The following ZNF207 variants were observed in gnomAD, a reference collection of about 807,000 sequenced individuals.
The protein encoded by ZNF207 is BUB3-interacting and GLEBS motif-containing protein ZNF207.
ZNF207 carries 24 observed loss-of-function variants against 60.2 expected under a neutral mutation model. That is an observed-to-expected ratio of 0.40 (90% CI 0.29 to 0.56). The LOEUF (loss-of-function observed/expected upper bound fraction) is 0.56, where lower values mean the gene tolerates loss of function less well. ZNF207 is among the 20% of genes least tolerant of loss of function. The probability of loss-of-function intolerance (pLI) is 0.49; values close to 1 mark genes in which losing one functional copy is unlikely to be tolerated. For missense variants in ZNF207, 452 were observed against 636.6 expected (o/e 0.71, Z 3.12); for synonymous variants, 236 against 194.7 (o/e 1.21, Z -1.77).
chr17:32,375,405 G>A lies in ZNF207; in HGVS notation c.*5646G>A, dbSNP rs1310713841. Reference sequence around the variant, plus strand: ...ATTCTAATGGTGATAATTGAAAAAAGTGTGCTGGAAATACAGGCTCTTATC... The same window carrying A: ...ATTCTAATGGTGATAATTGAAAAAAATGTGCTGGAAATACAGGCTCTTATC... On this transcript the variant is annotated 3_prime_UTR_variant, in exon 12 of 12. Coordinates refer to ENST00000394670, the MANE Select transcript of ZNF207 (RefSeq NM_001098507.2). 1 of 152,078 alleles carries A rather than the reference G, an allele frequency of 6.6e-6. No homozygotes were observed. Among genetic ancestry groups the A allele is most frequent in the Non-Finnish European group, 1.5e-5 (1 of 67,982 alleles). The allele number at this position is 152,078 out of a possible 1,614,324, so 9.4% of individuals were successfully genotyped here.
At position 32,357,311 on chromosome 17, in the gene ZNF207, AATTATTATTATTATT is replaced by A. The variant is rs1330669262; in HGVS notation, c.169-1164_169-1150del. ...CTATACTTAGAAAATTTGCTATTCT[AATTATTATTATTATT>A]ATTATTATTATTATTATTATTATTA... On this transcript the variant is annotated intron_variant, in intron 2 of 11. Coordinates refer to ENST00000394670, the MANE Select transcript of ZNF207 (RefSeq NM_001098507.2). Among the ~76,000 whole-genome samples, 41 of 118,320 alleles carry A rather than the reference AATTATTATTATTATT, an allele frequency of 3.5e-4. 3 individuals are homozygous for A. The highest frequency in any genetic ancestry group is 1.0e-3 in the African/African-American group (29 of 29,008). The allele number at this position is 118,320 out of a possible 152,430, so 77.6% of individuals were successfully genotyped here.
chr17:32,372,772 A>G lies in ZNF207; in HGVS notation c.*3013A>G, dbSNP rs1027876083. 6.6e-6 allele frequency: 1 copy of G among 152,338 alleles called. No individual in the cohort carries two copies. The highest frequency in any genetic ancestry group is 1.5e-5 in the Non-Finnish European group (1 of 68,040). The allele number at this position is 152,338 out of a possible 1,614,324, so 9.4% of individuals were successfully genotyped here. On this transcript the variant is annotated 3_prime_UTR_variant, in exon 12 of 12. Coordinates refer to ENST00000394670, the MANE Select transcript of ZNF207 (RefSeq NM_001098507.2). ...TATGAGTGGAGCAAATTATATTCAT[A>G]TAATTAACTCTGACTCAACCTTCCT...
At chr17:32,362,737 T>C in intron 6 of ZNF207, 177 bp from the exon 7 acceptor site, 1 of 472,588 alleles carries the variant, frequency 2.1e-6, no homozygotes, top group Non-Finnish European at 3.7e-6. Context: ...TTTAGACAAT[T>C]TATTTTGATA....
rs191933623 is a variant in ZNF207, at chr17:32,373,319, A to T, written c.*3560A>T. The T allele has an allele frequency of 3.6e-3, 1,721 of 473,766 alleles. 9 individuals are homozygous for T. Among genetic ancestry groups the T allele is most frequent in the Admixed American group, 0.011 (344 of 29,954 alleles). 29.3% of individuals were successfully genotyped at this position (473,766 alleles called of 1,614,324 possible). On this transcript the variant is annotated 3_prime_UTR_variant, in exon 12 of 12. Coordinates refer to ENST00000394670, the MANE Select transcript of ZNF207 (RefSeq NM_001098507.2). ...TGCTTGCTTGATCATTGGGATTTTTAAAAAAAAAAATTTTAATGCATGTCT... is the reference window on the plus strand; with the variant it reads ...TGCTTGCTTGATCATTGGGATTTTTTAAAAAAAAAATTTTAATGCATGTCT...
At chr17:32,364,526 ATTG>A (rs936947214) in intron 7 of ZNF207, among the ~76,000 whole-genome samples, 9 of 151,390 alleles carry the variant, frequency 5.9e-5, no homozygotes, top group Non-Finnish European at 1.0e-4. Flanking sequence ...CACCCGACAA[ATTG>A]TTGTATTTTT....
At position 32,351,548 on chromosome 17, in the gene ZNF207, G is replaced by A. The variant is rs537081540; in HGVS notation, c.42-238G>A. The A allele has an allele frequency of 1.7e-5, 26 of 1,529,570 alleles. No individual in the cohort carries two copies. The African/African-American group carries it at 3.3e-4, about 19-fold the overall frequency. 94.7% of individuals were successfully genotyped at this position (1,529,570 alleles called of 1,614,324 possible). ...ACACAGGAATTTGACAAAGTATATTGCTGATTATTGAGATGTGTTTTTTGG... is the reference window on the plus strand; with the variant it reads ...ACACAGGAATTTGACAAAGTATATTACTGATTATTGAGATGTGTTTTTTGG... On this transcript the variant is annotated intron_variant, in intron 1 of 11. Transcript: ENST00000394670.
rs757074319 is a variant in ZNF207, at chr17:32,369,428, G to C, written c.1298G>C (p.Gly433Ala). 3.7e-6 allele frequency: 6 copies of C among 1,614,154 alleles called. No homozygotes were observed. In the South Asian group the frequency reaches 6.6e-5, roughly 18 times the overall value. The change falls in exon 11 of 12, where the codon GGA (glycine) becomes GCA (alanine). Residue 433 changes from glycine (G) to alanine (A), a missense_variant. Around this residue, in one of 2 missense-constraint regions of ZNF207, gnomAD observed 390 missense variants for 461.4 expected, o/e 0.85. Transcript: ENST00000394670. ...CAGCCAGGCATCCCACAGCAACAAG[G>C]AATGAGACCCCCAATGCCACCTCAT... is the stretch of plus-strand genomic sequence containing the variant. ...PPQPGIPQQQ[G>A]MRPPMPPHGQ...
chr17:32,360,190 A>ACCC lies in ZNF207; in HGVS notation c.308-408_308-407insCCC, dbSNP rs1567818198. ...ACCTCACCTTTACCCCCCCCCCAAAAAAAAAAAAAAAAAGCCCAGTGTGGT... is the reference window on the plus strand; with the variant it reads ...ACCTCACCTTTACCCCCCCCCCAAAACCCAAAAAAAAAAAAAGCCCAGTGTGGT... On this transcript the variant is annotated intron_variant, in intron 3 of 11. Coordinates refer to ENST00000394670, the MANE Select transcript of ZNF207 (RefSeq NM_001098507.2). Among the ~76,000 whole-genome samples the ACCC allele has an allele frequency of 5.6e-3, 760 of 136,024 alleles. 13 individuals carry two copies. The highest frequency in any genetic ancestry group is 0.02 in the African/African-American group (738 of 36,588). 89.2% of individuals were successfully genotyped at this position (136,024 alleles called of 152,430 possible).
Position 32,358,792 on chromosome 17 carries a change from T to A in ZNF207, c.307+151T>A, listed in dbSNP as rs572562421. On this transcript the variant is annotated intron_variant, in intron 3 of 11. Transcript: ENST00000394670. ...TCTGCCTCCGGGGTTTAAGTGATTG[T>A]TTGTTTGTTTTTTTCTTTTTTGAGG... 2.0e-5 allele frequency: 12 copies of A among 598,164 alleles called. No individual in the cohort carries two copies. In the South Asian group the frequency reaches 4.9e-4, roughly 24 times the overall value. 37.1% of individuals were successfully genotyped at this position (598,164 alleles called of 1,614,324 possible). A position where few individuals can be genotyped will look rare whatever the true frequency, so the allele number is the denominator to read the frequency against.
Position 32,358,680 on chromosome 17 carries a change from T to A in ZNF207, c.307+39T>A, listed in dbSNP as rs768207823. On this transcript the variant is annotated intron_variant, in intron 3 of 11. Coordinates refer to ENST00000394670, the MANE Select transcript of ZNF207 (RefSeq NM_001098507.2). The stretch of plus-strand genomic sequence containing the variant: ...TAAGTTTTATTTTATTTATTTATTT[T>A]TTTTAATTTTTTTTTTTTTGAGACA... 74 of 1,346,488 alleles carry A rather than the reference T, an allele frequency of 5.5e-5. No homozygotes were observed. In the South Asian group the frequency reaches 8.6e-4, roughly 16 times the overall value. The allele number at this position is 1,346,488 out of a possible 1,614,324, so 83.4% of individuals were successfully genotyped here.
At chr17:32,362,150 G>GTA (rs1904923594) in intron 6 of ZNF207, among the ~76,000 whole-genome samples, 1 of 151,582 alleles carries the variant, frequency 6.6e-6, no homozygotes, top group Admixed American at 6.6e-5. Flanking sequence ...GTGTGTGTGT[G>GTA]TGTGTGTATA....
intron 8 of ZNF207, 89 bp from the exon 9 acceptor site, chr17:32,366,576 T>G (rs1905172403): frequency 9.9e-7 from 1 of 1,006,394 alleles, no homozygotes; most frequent in African/African-American, 1.7e-5. Flanking sequence ...CATTTACAAA[T>G]ATGCAATCTA....
In ZNF207 at chr17:32,354,335, G is replaced by GT. The variant is rs923128049; in HGVS notation, c.168+2433dup. ...TTAAATAGAGATGTATGCTCTGTCAGTTTTTTTTTTGTTTTATTTTGAAAC... is the reference window on the plus strand; with the variant it reads ...TTAAATAGAGATGTATGCTCTGTCAGTTTTTTTTTTTGTTTTATTTTGAAAC... On this transcript the variant is annotated intron_variant, in intron 2 of 11. Coordinates refer to ENST00000394670, the MANE Select transcript of ZNF207 (RefSeq NM_001098507.2). 5.5e-4 allele frequency among the ~76,000 whole-genome samples: 83 copies of GT among 151,196 alleles called. 1 individual carries two copies. The highest frequency in any genetic ancestry group is 3.4e-3 in the South Asian group (16 of 4,776).
At chr17:32,358,667 TA>T (rs772421333) in intron 3 of ZNF207, 26 bp downstream of exon 3, 1 of 1,392,614 alleles carries the variant, frequency 7.2e-7, no homozygotes, top group Non-Finnish European at 9.3e-7. Flanking sequence ...AGTTTTATTT[TA>T]TTTATTTATT....
chr17:32,360,183 C>A (rs200631199), intron 3 of ZNF207, among the ~76,000 whole-genome samples: 18 of 112,496 alleles, frequency 1.6e-4, no homozygotes, highest in Admixed American at 1.4e-3. Context: ...TTTACCCCCC[C>A]CCCAAAAAAA....
intron 7 of ZNF207, among the ~76,000 whole-genome samples, chr17:32,364,684 T>G (rs1905081773): frequency 6.6e-6 from 1 of 152,186 alleles, no homozygotes; most frequent in Admixed American, 6.6e-5. Context: ...GTTGGTGTGT[T>G]TGCAATCCAT....
intron 1 of ZNF207, among the ~76,000 whole-genome samples, chr17:32,350,575 A>ACTCCGGGAGGCGGCCTGGACCC (rs1350725303): frequency 1.3e-5 from 2 of 151,176 alleles, no homozygotes. Flanking sequence ...CGAATTTTGG[A>ACTCCGGGAGGCGGCCTGGACCC]CTCCGGGAGG....
In ZNF207 at chr17:32,376,272, A is replaced by G. The variant is rs900787983; in HGVS notation, c.*6513A>G. 2.0e-5 allele frequency: 3 copies of G among 152,090 alleles called. No homozygotes were observed. Among genetic ancestry groups the G allele is most frequent in the African/African-American group, 7.2e-5 (3 of 41,456 alleles). 9.4% of individuals were successfully genotyped at this position (152,090 alleles called of 1,614,324 possible). Reference sequence around the variant, plus strand: ...TTTCCAAGTGTTTAAGCCCTAAAACATCTATCTTTATTTTTTTACCTGGCA... The same window carrying G: ...TTTCCAAGTGTTTAAGCCCTAAAACGTCTATCTTTATTTTTTTACCTGGCA... On this transcript the variant is annotated 3_prime_UTR_variant, in exon 12 of 12. Transcript: ENST00000394670.
At position 32,381,665 on chromosome 17, in the gene ZNF207, T is replaced by C. The variant is rs1905893797; in HGVS notation, c.*11906T>C. Reference sequence around the variant, plus strand: ...CAGATAGTCTGGGGCTATTTACTTATTTTAAGTAAGCCAAGTCTACCATTT... The same window carrying C: ...CAGATAGTCTGGGGCTATTTACTTACTTTAAGTAAGCCAAGTCTACCATTT... On this transcript the variant is annotated 3_prime_UTR_variant, in exon 12 of 12. Coordinates refer to ENST00000394670, the MANE Select transcript of ZNF207 (RefSeq NM_001098507.2). 6.6e-6 allele frequency: 1 copy of C among 152,240 alleles called. No homozygotes were observed. The highest frequency in any genetic ancestry group is 1.5e-5 in the Non-Finnish European group (1 of 68,040). The allele number at this position is 152,240 out of a possible 1,614,324, so 9.4% of individuals were successfully genotyped here. A position where few individuals can be genotyped will look rare whatever the true frequency, so the allele number is the denominator to read the frequency against.
Sources: gnomAD v4.1 joint callset for allele counts (sites outside exome capture counted in the v4.1 genomes callset) on GRCh38, gnomAD v4.1.1 for gene constraint, gnomAD v4.1.1 regional missense constraint, MANE v1.5 for transcripts, NCBI Gene and HGNC (gene_info 2026-07-23, HGNC 2026-07-21) for gene names.